Variants in ZC2HC1B observed in about 807,000 individuals in gnomAD.
ZC2HC1B encodes the protein zinc finger C2HC-type containing 1B.
ZC2HC1B carries 36 observed loss-of-function variants against 31.0 expected under a neutral mutation model. The ratio of observed to expected loss-of-function variants is 1.16; its 90% CI spans 0.89 to 1.54. The LOEUF (loss-of-function observed/expected upper bound fraction) is 1.54. Among genes scored for constraint, ZC2HC1B ranks in the 40% most tolerant of loss-of-function variants. The pLI, the probability that ZC2HC1B is intolerant of heterozygous loss-of-function variation, is 0.00. For missense variants in ZC2HC1B, 260 were observed against 268.6 expected (o/e 0.97, Z 0.22); for synonymous variants, 73 against 88.0 (o/e 0.83, Z 0.95).
chr6:143,917,573 T>G lies in ZC2HC1B; in HGVS notation c.598+14421T>G, dbSNP rs1777933709. Among the ~76,000 whole-genome samples, 1 of 152,206 alleles carries G rather than the reference T, an allele frequency of 6.6e-6. No homozygotes were observed. The highest frequency in any genetic ancestry group is 2.1e-4 in the South Asian group (1 of 4,832). On this transcript the variant is annotated intron_variant, in intron 6 of 7. Transcript: ENST00000237275. The surrounding 1 kb of genome is among the most constrained non-coding windows in gnomAD (Gnocchi z 4.1). ...TTTTCCACCCATTTTGTTATTGATG[T>G]CACAAAATTACATCTTTATACAGGT...
intron 4 of ZC2HC1B, among the ~76,000 whole-genome samples, chr6:143,892,732 C>T (rs772642613): frequency 6.6e-6 from 1 of 152,068 alleles, no homozygotes; most frequent in African/African-American, 2.4e-5. Context: ...GGACTGCCTC[C>T]GACACTGAAG....
chr6:143,873,098 T>C (rs1777363406), intron 1 of ZC2HC1B, among the ~76,000 whole-genome samples: 1 of 152,190 alleles, frequency 6.6e-6, no homozygotes, highest in African/African-American at 2.4e-5. Context: ...ACTTCCTAGA[T>C]AAAATGAGGG....
At position 143,911,921 on chromosome 6, in the gene ZC2HC1B, T is replaced by G. The variant is rs1160867424; in HGVS notation, c.598+8769T>G. ...GTACCCCAATCAGTTGTAGATTTGG[T>G]CTCTTTACATAATCCCATGTTTCTC... On this transcript the variant is annotated intron_variant, in intron 6 of 7. Transcript: ENST00000237275. This position sits in a 1 kb window ranked among gnomAD's most constrained non-coding sequence, Gnocchi z 4.5. Among the ~76,000 whole-genome samples the G allele has an allele frequency of 6.6e-6, 1 of 152,342 alleles. No homozygotes were observed. Among genetic ancestry groups the G allele is most frequent in the East Asian group, 1.9e-4 (1 of 5,186 alleles).
chr6:143,884,256 G>A lies in ZC2HC1B; in HGVS notation c.29-48G>A, dbSNP rs777453603. 33 of 1,481,442 alleles carry A rather than the reference G, an allele frequency of 2.2e-5. No homozygotes were observed. Among genetic ancestry groups the A allele is most frequent in the African/African-American group, 1.5e-4 (11 of 71,882 alleles). The allele number at this position is 1,481,442 out of a possible 1,614,324, so 91.8% of individuals were successfully genotyped here. A position where few individuals can be genotyped will look rare whatever the true frequency, so the allele number is the denominator to read the frequency against. ...CTCCAGTCAGTCATTTCTTCTCAGC[G>A]AGGAAATTCCATGAAACTAACATAA... On this transcript the variant is annotated intron_variant, in intron 1 of 7. Transcript: ENST00000237275. The surrounding 1 kb of genome is among the most constrained non-coding windows in gnomAD (Gnocchi z 5.1).
At position 143,926,831 on chromosome 6, in the gene ZC2HC1B, T is replaced by C. The variant is rs939874346; in HGVS notation, c.599-10818T>C. ...TATATATTTAGAATTGTATCTTCTT[T>C]TTTTTTTTTTTTTTTTTTTTTTTGA... On this transcript the variant is annotated intron_variant, in intron 6 of 7. Transcript: ENST00000237275. Among the ~76,000 whole-genome samples the C allele has an allele frequency of 3.7e-5, 5 of 134,102 alleles. No individual in the cohort carries two copies. In the South Asian group the frequency reaches 7.3e-4, roughly 20 times the overall value. 88.0% of individuals were successfully genotyped at this position (134,102 alleles called of 152,430 possible). A position where few individuals can be genotyped will look rare whatever the true frequency, so the allele number is the denominator to read the frequency against.
rs2128495462 is a variant in ZC2HC1B, at chr6:143,905,369, C to T, written c.598+2217C>T. Among the ~76,000 whole-genome samples the T allele has an allele frequency of 6.6e-6, 1 of 152,144 alleles. No homozygotes were observed. The highest frequency in any genetic ancestry group is 1.9e-4 in the East Asian group (1 of 5,182). On this transcript the variant is annotated intron_variant, in intron 6 of 7. Transcript: ENST00000237275. The surrounding 1 kb of genome is among the most constrained non-coding windows in gnomAD (Gnocchi z 4.2). ...ATAATTTTTTTTGATTGTTCATTGTCAGTATATAGAAACACAACTAATTTT... is the reference window on the plus strand; with the variant it reads ...ATAATTTTTTTTGATTGTTCATTGTTAGTATATAGAAACACAACTAATTTT...
intron 5 of ZC2HC1B, among the ~76,000 whole-genome samples, chr6:143,900,367 G>C (rs1326596363): frequency 3.5e-5 from 5 of 142,516 alleles, no homozygotes; most frequent in African/African-American, 5.2e-5. Context: ...TCCAGCCTGG[G>C]CAACAAGAGC....
chr6:143,931,805 T>A (rs1027184944), intron 6 of ZC2HC1B, among the ~76,000 whole-genome samples: 5 of 151,876 alleles, frequency 3.3e-5, no homozygotes, highest in African/African-American at 1.2e-4. Flanking sequence ...ACTGTTTGCC[T>A]AGGTGATTAT....
chr6:143,906,866 C>G (rs1428937323), intron 6 of ZC2HC1B, among the ~76,000 whole-genome samples: 1 of 151,784 alleles, frequency 6.6e-6, no homozygotes, highest in African/African-American at 2.4e-5. Context: ...CGGTGATTTG[C>G]TGCCAGATCA....
At chr6:143,866,758 G>T (rs1450020984) in intron 1 of ZC2HC1B, among the ~76,000 whole-genome samples, 1 of 152,182 alleles carries the variant, frequency 6.6e-6, no homozygotes, top group Non-Finnish European at 1.5e-5. Flanking sequence ...CAGTTAAAGG[G>T]CAGAGAAGGT....
chr6:143,919,546 A>G (rs752029751), intron 6 of ZC2HC1B, among the ~76,000 whole-genome samples: 2 of 152,164 alleles, frequency 1.3e-5, no homozygotes, highest in Non-Finnish European at 2.9e-5. Flanking sequence ...GTACAACAAC[A>G]ATGGCCACCT....
chr6:143,909,504 C>T (rs1223332416), intron 6 of ZC2HC1B, among the ~76,000 whole-genome samples: 1 of 149,114 alleles, frequency 6.7e-6, no homozygotes, highest in Non-Finnish European at 1.5e-5. Context: ...TAGTTGAATT[C>T]ATCTGTGAAT....
chr6:143,875,311 G>A (rs1397538897), intron 1 of ZC2HC1B, among the ~76,000 whole-genome samples: 1 of 151,534 alleles, frequency 6.6e-6, no homozygotes. Context: ...GATGGGATGA[G>A]TAGGTCTAAA....
chr6:143,900,320 G>A (rs1270999497), intron 5 of ZC2HC1B, among the ~76,000 whole-genome samples: 3 of 151,162 alleles, frequency 2.0e-5, no homozygotes, highest in African/African-American at 4.9e-5. Flanking sequence ...ACCTGGGGAG[G>A]CAGAGGTTGT....
intron 6 of ZC2HC1B, among the ~76,000 whole-genome samples, chr6:143,912,284 C>G (rs1177898900): frequency 1.3e-5 from 2 of 152,246 alleles, no homozygotes; most frequent in Admixed American, 6.5e-5. Context: ...ATCTCAGCCT[C>G]AGCCCAGTTC....
In ZC2HC1B at chr6:143,933,107, T is replaced by G. The variant is rs1159839964; in HGVS notation, c.599-4542T>G. On this transcript the variant is annotated intron_variant, in intron 6 of 7. Transcript: ENST00000237275. This position sits in a 1 kb window ranked among gnomAD's most constrained non-coding sequence, Gnocchi z 6.4. ...TGTAAATATGTTTACTGTGTTGTCT[T>G]TCTTGAATGCTGGTTATGCTAGCAG... 6.6e-6 allele frequency among the ~76,000 whole-genome samples: 1 copy of G among 152,218 alleles called. No homozygotes were observed. The highest frequency in any genetic ancestry group is 1.5e-5 in the Non-Finnish European group (1 of 68,038).
At position 143,871,794 on chromosome 6, in the gene ZC2HC1B, C is replaced by G. The variant is rs1408536022; in HGVS notation, c.28+7227C>G. Among the ~76,000 whole-genome samples, 5 of 152,136 alleles carry G rather than the reference C, an allele frequency of 3.3e-5. No homozygotes were observed. The highest frequency in any genetic ancestry group is 3.3e-4 in the Admixed American group (5 of 15,282). On this transcript the variant is annotated intron_variant, in intron 1 of 7. Coordinates refer to ENST00000237275, the MANE Select transcript of ZC2HC1B (RefSeq NM_001013623.3). The surrounding 1 kb of genome is among the most constrained non-coding windows in gnomAD (Gnocchi z 4.1). ...CTTTCTCACCATAATAATCCTCACC[C>G]GACCAATCAGGGAGCCAATGTGGGG...
Position 143,898,546 on chromosome 6 carries a change from AT to A in ZC2HC1B, c.350-4del, listed in dbSNP as rs1291828386. On this transcript the variant is annotated splice_polypyrimidine_tract_variant and splice_region_variant and intron_variant, in intron 4 of 7. Transcript: ENST00000237275. ...AATTGCCATTTGTTGTTATCTTTAC[AT>A]TCAGATTATATTCAACGTCCATATT... 6.4e-7 allele frequency: 1 copy of A among 1,551,288 alleles called. No individual in the cohort carries two copies. The highest frequency in any genetic ancestry group is 1.4e-5 in the African/African-American group (1 of 73,026).
intron 6 of ZC2HC1B, among the ~76,000 whole-genome samples, chr6:143,932,684 A>G (rs1778134295): frequency 6.6e-6 from 1 of 152,096 alleles, no homozygotes; most frequent in Non-Finnish European, 1.5e-5. Context: ...CTTGGTTTGG[A>G]TCCATTGCTG....
Sources: allele counts gnomAD v4.1 joint callset (sites outside exome capture counted in the v4.1 genomes callset), GRCh38; gene constraint gnomAD v4.1.1; non-coding constraint Gnocchi (gnomAD v3.1); transcripts MANE v1.5; gene names NCBI Gene and HGNC (gene_info 2026-07-23, HGNC 2026-07-21).